The following GPR137B variants were observed in gnomAD, a reference collection of about 807,000 sequenced individuals.
GPR137B encodes the protein G protein-coupled receptor 137B.
A neutral mutation model predicts 42.5 loss-of-function variants in GPR137B; 42 were observed. The observed-to-expected ratio is 0.99, with a 90% confidence interval of 0.77 to 1.28. The LOEUF (loss-of-function observed/expected upper bound fraction) is 1.28. GPR137B is among the 50% of genes most tolerant of loss of function. The pLI, the probability that GPR137B is intolerant of heterozygous loss-of-function variation, is 0.00. For synonymous variants in GPR137B, 218 were observed against 209.7 expected, an observed-to-expected ratio of 1.04 and a Z score of -0.34; for missense variants, 487 against 493.9, an observed-to-expected ratio of 0.99 and a Z score of 0.13.
Position 236,180,015 on chromosome 1 carries a change from A to G in GPR137B, c.824A>G (p.Asn275Ser). The stretch of plus-strand genomic sequence containing the variant: ...CATTCCTTTGATTATGACTGGTACA[A>G]TGTATCAGACCAGGTCAGTGGGGGC... Reference protein sequence around the residue: ...SVHSFDYDWYNVSDQADLKNQ... With the variant: ...SVHSFDYDWYSVSDQADLKNQ... Residue 275 changes from asparagine to serine, a missense_variant, in exon 4 of 7, where the codon AAT (asparagine) becomes AGT (serine). Asn to Ser is a conservative substitution (Grantham distance 46). Coordinates refer to ENST00000366592, the MANE Select transcript of GPR137B (RefSeq NM_003272.4). 1 of 1,613,500 alleles carries G rather than the reference A, an allele frequency of 6.2e-7. No homozygotes were observed. Among genetic ancestry groups the G allele is most frequent in the South Asian group, 1.1e-5 (1 of 91,050 alleles).
At chr1:236,152,575 G>A (rs148449904) in intron 1 of GPR137B, among the ~76,000 whole-genome samples, 1,723 of 152,150 alleles carry the variant, frequency 0.011, 34 homozygotes, top group East Asian at 0.11. Flanking sequence ...TGGCCAACAC[G>A]GTGAAACCCC....
chr1:236,144,449 G>A (rs573846544), intron 1 of GPR137B, among the ~76,000 whole-genome samples: 2 of 152,264 alleles, frequency 1.3e-5, no homozygotes, highest in South Asian at 4.1e-4. Context: ...AAACAAAGTA[G>A]GAAAAGGATT....
At chr1:236,205,303 C>G in intron 6 of GPR137B, 53 bp downstream of exon 6, 1 of 1,498,866 alleles carries the variant, frequency 6.7e-7, no homozygotes, top group Non-Finnish European at 9.2e-7. Context: ...AGGGTTACAC[C>G]AGTTAAATAG....
chr1:236,171,442 C>T lies in GPR137B; in HGVS notation c.464+2687C>T, dbSNP rs909458420. On this transcript the variant is annotated intron_variant, in intron 2 of 6. Transcript: ENST00000366592. This position sits in a 1 kb window ranked among gnomAD's most constrained non-coding sequence, Gnocchi z 4.4. ...ATAGGAGGAGAACATTCTGTCTGATCGGACCGTGGAACTGATTTTATCTTG... is the reference window on the plus strand; with the variant it reads ...ATAGGAGGAGAACATTCTGTCTGATTGGACCGTGGAACTGATTTTATCTTG... 2.6e-5 allele frequency among the ~76,000 whole-genome samples: 4 copies of T among 152,126 alleles called. No homozygotes were observed. The highest frequency in any genetic ancestry group is 5.9e-5 in the Non-Finnish European group (4 of 68,028).
chr1:236,153,882 A>G (rs1661940656), intron 1 of GPR137B, among the ~76,000 whole-genome samples: 1 of 152,208 alleles, frequency 6.6e-6, no homozygotes, highest in African/African-American at 2.4e-5. Context: ...TCTCACTGTA[A>G]TGAAATCAAA....
At chr1:236,187,803 G>A (rs1224566920) in intron 5 of GPR137B, among the ~76,000 whole-genome samples, 3 of 152,046 alleles carry the variant, frequency 2.0e-5, no homozygotes, top group South Asian at 2.1e-4. Flanking sequence ...GGATTGTCTC[G>A]GCTATGTGGG....
chr1:236,166,817 TATG>T (rs1403248729), intron 1 of GPR137B, among the ~76,000 whole-genome samples: 3 of 151,944 alleles, frequency 2.0e-5, no homozygotes, highest in Non-Finnish European at 4.4e-5. Flanking sequence ...ATCATTATCT[TATG>T]GTTCTTTTTT....
chr1:236,146,147 C>T (rs901214792), intron 1 of GPR137B, among the ~76,000 whole-genome samples: 8 of 152,132 alleles, frequency 5.3e-5, no homozygotes, highest in South Asian at 2.1e-4. Context: ...TGTGAGCCAC[C>T]GCGCCTGGCC....
At chr1:236,203,148 G>A (rs1663546757) in intron 5 of GPR137B, among the ~76,000 whole-genome samples, 1 of 152,102 alleles carries the variant, frequency 6.6e-6, no homozygotes, top group South Asian at 2.1e-4. Flanking sequence ...CGTGATCTCG[G>A]CTCACTGCAA....
At chr1:236,192,646 C>A (rs1430991382) in intron 5 of GPR137B, among the ~76,000 whole-genome samples, 1 of 152,088 alleles carries the variant, frequency 6.6e-6, no homozygotes, top group Non-Finnish European at 1.5e-5. Context: ...CACCCTGCTT[C>A]GGCTCACCCT....
intron 1 of GPR137B, among the ~76,000 whole-genome samples, chr1:236,149,534 C>T (rs1307706528): frequency 4.6e-5 from 7 of 152,080 alleles, no homozygotes; most frequent in Non-Finnish European, 1.0e-4. Flanking sequence ...AGGAAAGGGA[C>T]GTGGGTGATT....
At chr1:236,178,765 C>T (rs1558488518) in intron 3 of GPR137B, 129 bp downstream of exon 3, 1 of 371,188 alleles carries the variant, frequency 2.7e-6, no homozygotes, top group Non-Finnish European at 5.2e-6. Flanking sequence ...TTATTGTCTC[C>T]CACACAGGGG....
intron 2 of GPR137B, among the ~76,000 whole-genome samples, chr1:236,172,938 C>T (rs1050740576): frequency 3.3e-5 from 5 of 151,518 alleles, no homozygotes; most frequent in Non-Finnish European, 5.9e-5. Flanking sequence ...GCGACTCTCC[C>T]GCCTCAGCCT....
intron 2 of GPR137B, among the ~76,000 whole-genome samples, chr1:236,178,136 G>C (rs1025342105): frequency 6.6e-6 from 1 of 152,110 alleles, no homozygotes; most frequent in Non-Finnish European, 1.5e-5. Flanking sequence ...AGTAGGGAGC[G>C]CTCAGCGAGT....
chr1:236,164,681 CA>C (rs1367508389), intron 1 of GPR137B, among the ~76,000 whole-genome samples: 8 of 152,114 alleles, frequency 5.3e-5, no homozygotes, highest in African/African-American at 1.7e-4. Flanking sequence ...TTAATGAGGG[CA>C]AAAGTTGTAC....
intron 5 of GPR137B, among the ~76,000 whole-genome samples, chr1:236,200,865 C>T (rs1203977601): frequency 1.3e-5 from 2 of 151,224 alleles, no homozygotes; most frequent in African/African-American, 2.4e-5. Context: ...AGATGTGAGA[C>T]TGTTTTATTC....
intron 5 of GPR137B, among the ~76,000 whole-genome samples, chr1:236,191,467 A>C (rs1663191163): frequency 6.6e-6 from 1 of 151,996 alleles, no homozygotes; most frequent in South Asian, 2.1e-4. Flanking sequence ...GTTTCTCCCT[A>C]TCTTTGTGGA....
At chr1:236,183,720 A>T in intron 4 of GPR137B, 58 bp from the exon 5 acceptor site, 2 of 1,312,972 alleles carry the variant, frequency 1.5e-6, no homozygotes, top group Non-Finnish European at 2.2e-6. Context: ...AGAAAGAAAC[A>T]ATCAAATTTA....
At chr1:236,207,134 G>C (rs1487899416) in intron 6 of GPR137B, 1 of 984,986 alleles carries the variant, frequency 1.0e-6, no homozygotes, top group Non-Finnish European at 1.2e-6. Flanking sequence ...TTGTTTTAGG[G>C]ACAGAAGTAC....
Sources: allele counts gnomAD v4.1 joint callset (sites outside exome capture counted in the v4.1 genomes callset), GRCh38; gene constraint gnomAD v4.1.1; non-coding constraint Gnocchi (gnomAD v3.1); transcripts MANE v1.5; gene names NCBI Gene and HGNC (gene_info 2026-07-23, HGNC 2026-07-21).